STS: variants seen among roughly 807,000 people sequenced by gnomAD.
The protein encoded by STS is steroid sulfatase.
Under a neutral mutation model 26.8 loss-of-function variants are expected in STS, and 7 were observed. The ratio of observed to expected loss-of-function variants is 0.26; its 90% CI spans 0.15 to 0.49. The LOEUF is 0.49. Among genes scored for constraint, STS ranks in the 20% least tolerant of loss-of-function variants. STS has a pLI of 0.98. For synonymous variants in STS, 199 were observed against 189.4 expected (o/e 1.05, Z -0.42); for missense variants, 434 against 465.6 (o/e 0.93, Z 0.63).
chrX:7,259,949 C>A (rs1923654120), intron 6 of STS, among the ~76,000 whole-genome samples, 177 bp downstream of exon 6: 1 of 111,591 alleles, frequency 9.0e-6, no homozygotes, highest in East Asian at 2.9e-4. Context: ...GATCTCGGCT[C>A]ACTGCAAGCT....
At chrX:7,299,699 A>G (rs190613632) in intron 7 of STS, among the ~76,000 whole-genome samples, 14 of 110,791 alleles carry the variant, frequency 1.3e-4, no homozygotes, top group African/African-American at 3.9e-4. Flanking sequence ...TGTAAAGTTA[A>G]GGAACAGTGA....
In STS at chrX:7,342,126, T is replaced by C. The variant is rs1189308425; in HGVS notation, c.1364-7762T>C. Among the ~76,000 whole-genome samples, 6 of 112,096 alleles carry C rather than the reference T, an allele frequency of 5.4e-5. No homozygotes were observed. In the East Asian group the frequency reaches 8.4e-4, roughly 16 times the overall value. On this transcript the variant is annotated intron_variant, in intron 10 of 10. Transcript: ENST00000674429. ...CTGTGCCTGGCCCCAACAATTTTTATTGGGCCTCTATTCTATCTAAGATAC... is the reference window on the plus strand; with the variant it reads ...CTGTGCCTGGCCCCAACAATTTTTACTGGGCCTCTATTCTATCTAAGATAC...
At chrX:7,209,548 C>T (rs1240418190) in intron 2 of STS, among the ~76,000 whole-genome samples, 5 of 48,513 alleles carry the variant, frequency 1.0e-4, no homozygotes, top group Non-Finnish European at 1.7e-4. Flanking sequence ...AAAATGAATT[C>T]GAATAGATGA....
chrX:7,168,553 A>G (rs1311519577), intron 1 of STS, among the ~76,000 whole-genome samples: 1 of 111,462 alleles, frequency 9.0e-6, no homozygotes, highest in African/African-American at 3.3e-5. Flanking sequence ...CATCCCTCAT[A>G]ATGTGTGGGC....
chrX:7,311,589 T>C (rs1926479434), intron 8 of STS, among the ~76,000 whole-genome samples: 1 of 112,438 alleles, frequency 8.9e-6, no homozygotes, highest in African/African-American at 3.2e-5. Context: ...GGCTCACACC[T>C]GTAATCCCAG....
intron 2 of STS, among the ~76,000 whole-genome samples, chrX:7,236,853 A>C (rs1469552954): frequency 4.3e-5 from 4 of 93,051 alleles, no homozygotes; most frequent in Non-Finnish European, 8.4e-5. Context: ...ATGAAAGTAC[A>C]TTTTGTAGAT....
rs757478741 is a variant in STS at position 7,287,847 on chromosome X, G to A, written c.943+11760G>A. Among the ~76,000 whole-genome samples the A allele has an allele frequency of 3.6e-5, 4 of 110,395 alleles. No individual in the cohort carries two copies. The East Asian group carries it at 1.1e-3, about 31-fold the overall frequency. On this transcript the variant is annotated intron_variant, in intron 7 of 10. Transcript: ENST00000674429. ...CTTTCATTTGATATTGCCTAAAATA[G>A]GTATACTCTTTTTTTCACCATGATA...
In STS at chrX:7,275,965, C is replaced by T. The variant is rs372945330; in HGVS notation, c.821C>T (p.Pro274Leu). Residue 274 changes from proline to leucine, a missense_variant, in exon 7 of 11, where the codon CCG (proline) becomes CTG (leucine). By Grantham distance (98) the Pro-to-Leu change is moderately conservative. This residue lies in a region of STS where 229 missense variants were observed against 288.3 expected (regional missense o/e 0.79). Transcript: ENST00000674429. ...AQFIQRNTET[P>L]FLLVLSYLHV... ...TTTTTTTGCAGGAACACTGAGACTCCGTTCCTGCTTGTCTTGTCCTACCTC... is the reference window on the plus strand; with the variant it reads ...TTTTTTTGCAGGAACACTGAGACTCTGTTCCTGCTTGTCTTGTCCTACCTC... The T allele has an allele frequency of 7.3e-5, 86 of 1,175,918 alleles. No individual in the cohort carries two copies. Among genetic ancestry groups the T allele is most frequent in the Middle Eastern group, 4.9e-4 (2 of 4,115 alleles).
intron 6 of STS, among the ~76,000 whole-genome samples, chrX:7,260,349 A>G (rs1380655893): frequency 2.7e-5 from 3 of 112,366 alleles, no homozygotes; most frequent in African/African-American, 9.7e-5. Context: ...GGAAAGGCCC[A>G]TGGCAAATTA....
At chrX:7,294,636 C>T (rs1477298293) in intron 7 of STS, among the ~76,000 whole-genome samples, 18 of 112,036 alleles carry the variant, frequency 1.6e-4, no homozygotes, top group African/African-American at 5.8e-4. Context: ...ATCCCTACAA[C>T]TATGCTACAA....
chrX:7,290,628 TATC>T lies in STS; in HGVS notation c.944-14415_944-14413del, dbSNP rs751845394. On this transcript the variant is annotated intron_variant, in intron 7 of 10. Coordinates refer to ENST00000674429, the MANE Select transcript of STS (RefSeq NM_001320752.2). ...CACACAGTGTATACTGGGACGATGA[TATC>T]ATACCACTTCTGGCTTCAGCATATT... 1.1e-3 allele frequency among the ~76,000 whole-genome samples: 122 copies of T among 111,914 alleles called. 1 individual carries two copies. The highest frequency in any genetic ancestry group is 2.0e-3 in the Non-Finnish European group (105 of 53,174).
At chrX:7,193,379 G>T (rs1014334625) in intron 2 of STS, among the ~76,000 whole-genome samples, 3 of 109,819 alleles carry the variant, frequency 2.7e-5, no homozygotes, top group Non-Finnish European at 3.8e-5. Flanking sequence ...AGGGTTTTTT[G>T]TTGTTGTTGT....
chrX:7,326,880 T>C (rs972842603), intron 9 of STS, among the ~76,000 whole-genome samples: 4 of 111,450 alleles, frequency 3.6e-5, no homozygotes, highest in Non-Finnish European at 5.6e-5. Flanking sequence ...TCCTTACTGG[T>C]TTCAACTCTG....
intron 2 of STS, among the ~76,000 whole-genome samples, chrX:7,192,961 C>A (rs1933905405): frequency 8.9e-6 from 1 of 112,663 alleles, no homozygotes; most frequent in African/African-American, 3.2e-5. Context: ...CAACAAGAGG[C>A]TTTAACTTAA....
intron 2 of STS, among the ~76,000 whole-genome samples, chrX:7,215,512 C>A (rs1462240592): frequency 1.8e-5 from 2 of 110,788 alleles, no homozygotes; most frequent in African/African-American, 3.3e-5. Context: ...ATGAATGATA[C>A]CTCCAGTGGA....
chrX:7,161,923 TATA>T (rs1933253169), intron 1 of STS, among the ~76,000 whole-genome samples: 1 of 111,695 alleles, frequency 9.0e-6, no homozygotes, highest in Admixed American at 9.6e-5. Flanking sequence ...CATATTCATT[TATA>T]ATGAGATTAT....
intron 9 of STS, among the ~76,000 whole-genome samples, chrX:7,330,113 AT>A (rs1267292317): frequency 8.9e-6 from 1 of 111,812 alleles, no homozygotes; most frequent in Non-Finnish European, 1.9e-5. Context: ...ATTCAGAAAA[AT>A]TATTTCCCTC....
intron 1 of STS, among the ~76,000 whole-genome samples, chrX:7,174,228 A>G (rs1933523210): frequency 8.9e-6 from 1 of 111,783 alleles, no homozygotes; most frequent in Non-Finnish European, 1.9e-5. Flanking sequence ...AAGTTGGAGA[A>G]GGGCTAGAGG....
chrX:7,300,319 T>C (rs1925904761), intron 7 of STS, among the ~76,000 whole-genome samples: 1 of 112,148 alleles, frequency 8.9e-6, no homozygotes, highest in Non-Finnish European at 1.9e-5. Context: ...CAGCTCACCA[T>C]CGGCAATTCA....
Sources: allele counts gnomAD v4.1 joint callset (sites outside exome capture counted in the v4.1 genomes callset), GRCh38; gene constraint gnomAD v4.1.1; regional missense constraint gnomAD v4.1.1; transcripts MANE v1.5; gene names NCBI Gene and HGNC (gene_info 2026-07-23, HGNC 2026-07-21).